Variants in FOXP1 observed in about 807,000 individuals in gnomAD.
FOXP1 encodes forkhead box P1.
In FOXP1, 15 loss-of-function variants were observed where a neutral mutation model predicts 98.2. The observed-to-expected ratio is 0.15, with a 90% CI of 0.10 to 0.24. FOXP1 has a LOEUF of 0.24. Among genes scored for constraint, FOXP1 ranks in the 10% least tolerant of loss-of-function variants. The pLI is 1.00. For missense variants in FOXP1, 633 were observed against 848.5 expected, an observed-to-expected ratio of 0.75 and a Z score of 3.15; for synonymous variants, 371 against 314.5, an observed-to-expected ratio of 1.18 and a Z score of -1.90.
At chr3:71,000,727 AGAATTTG>A (rs2042011599) in intron 13 of FOXP1, among the ~76,000 whole-genome samples, 1 of 151,922 alleles carries the variant, frequency 6.6e-6, no homozygotes, top group Non-Finnish European at 1.5e-5. Context: ...ACAGGTGCCC[AGAATTTG>A]GAAACCTCTG....
Position 71,252,705 on chromosome 3 carries a change from A to C in FOXP1, c.-12+47115T>G, listed in dbSNP as rs1234944684. Reference sequence around the variant, plus strand: ...TTCCCAGTGTTTGAGATAAAGAAACAGAAGTGGATGGAAGTGAAACAAAAT... The same window carrying C: ...TTCCCAGTGTTTGAGATAAAGAAACCGAAGTGGATGGAAGTGAAACAAAAT... On this transcript the variant is annotated intron_variant, in intron 5 of 20. Transcript: ENST00000649528. Among the ~76,000 whole-genome samples the C allele has an allele frequency of 2.6e-5, 4 of 152,232 alleles. No individual in the cohort carries two copies. In the East Asian group the frequency reaches 7.7e-4, roughly 29 times the overall value.
chr3:71,011,667 A>C (rs1054539658), intron 12 of FOXP1, among the ~76,000 whole-genome samples: 1 of 152,156 alleles, frequency 6.6e-6, no homozygotes, highest in Non-Finnish European at 1.5e-5. Flanking sequence ...ACTTACAAAC[A>C]AAAGTCGTCT....
chr3:71,078,878 C>A (rs567098380), intron 7 of FOXP1, among the ~76,000 whole-genome samples: 1 of 152,238 alleles, frequency 6.6e-6, no homozygotes, highest in East Asian at 1.9e-4. Flanking sequence ...AGCACAAGAG[C>A]TAGTGTGACC....
At chr3:71,366,898 A>T (rs2078965839) in intron 3 of FOXP1, among the ~76,000 whole-genome samples, 2 of 152,270 alleles carry the variant, frequency 1.3e-5, no homozygotes, top group Non-Finnish European at 2.9e-5. Context: ...ACAAGAAATT[A>T]AATAATTTTG....
intron 5 of FOXP1, among the ~76,000 whole-genome samples, chr3:71,208,983 T>G (rs377626820): frequency 6.6e-6 from 1 of 152,188 alleles, no homozygotes; most frequent in East Asian, 1.9e-4. Context: ...GTTTGCACAA[T>G]GCCATGTTTG....
At chr3:71,495,624 A>T (rs2091354611) in intron 2 of FOXP1, among the ~76,000 whole-genome samples, 1 of 152,172 alleles carries the variant, frequency 6.6e-6, no homozygotes, top group Admixed American at 6.5e-5. Flanking sequence ...TATTCTTACA[A>T]CAAAGTTCTT....
At chr3:71,320,431 C>T (rs1055398621) in intron 4 of FOXP1, among the ~76,000 whole-genome samples, 1 of 151,816 alleles carries the variant, frequency 6.6e-6, no homozygotes, top group Non-Finnish European at 1.5e-5. Flanking sequence ...TAAGCCGCTG[C>T]ACAGATCTAG....
At chr3:71,432,080 A>G (rs1279354406) in intron 3 of FOXP1, among the ~76,000 whole-genome samples, 3 of 152,182 alleles carry the variant, frequency 2.0e-5, no homozygotes, top group South Asian at 2.1e-4. Flanking sequence ...CTTAAGGGCC[A>G]AACAATGTGC....
chr3:71,025,745 G>T (rs2046033305), intron 11 of FOXP1, among the ~76,000 whole-genome samples: 1 of 152,172 alleles, frequency 6.6e-6, no homozygotes, highest in African/African-American at 2.4e-5. Context: ...GGGTGATATG[G>T]TCAGTGATTA....
chr3:71,561,165 T>C (rs1171089252), intron 2 of FOXP1, among the ~76,000 whole-genome samples: 1 of 152,114 alleles, frequency 6.6e-6, no homozygotes, highest in Non-Finnish European at 1.5e-5. Context: ...CAAGTGATTC[T>C]GGTGCCTCAG....
intron 3 of FOXP1, among the ~76,000 whole-genome samples, chr3:71,417,442 C>T (rs1008745029): frequency 1.1e-4 from 17 of 152,186 alleles, no homozygotes; most frequent in Admixed American, 9.8e-4. Context: ...AAAATGAGCA[C>T]TGGGCTTCTG....
At chr3:70,978,286 A>T (rs182861285) in intron 14 of FOXP1, among the ~76,000 whole-genome samples, 1 of 152,186 alleles carries the variant, frequency 6.6e-6, no homozygotes, top group Non-Finnish European at 1.5e-5. Context: ...GGGGTTACCT[A>T]CCTGAGGGAG....
At chr3:70,966,923 C>T (rs578241335) in intron 19 of FOXP1, among the ~76,000 whole-genome samples, 1 of 152,304 alleles carries the variant, frequency 6.6e-6, no homozygotes, top group African/African-American at 2.4e-5. Context: ...AATGCAGACG[C>T]TAGTTACATA....
At chr3:71,577,249 C>T (rs1195214000) in intron 2 of FOXP1, among the ~76,000 whole-genome samples, 5 of 152,162 alleles carry the variant, frequency 3.3e-5, no homozygotes, top group Non-Finnish European at 7.4e-5. Flanking sequence ...ATTGTACTTC[C>T]TCTTTGCAGA....
At chr3:71,122,364 A>G (rs1394806480) in intron 6 of FOXP1, among the ~76,000 whole-genome samples, 1 of 152,194 alleles carries the variant, frequency 6.6e-6, no homozygotes, top group African/African-American at 2.4e-5. Flanking sequence ...AATATAGGAA[A>G]GGGCCAAACA....
intron 5 of FOXP1, among the ~76,000 whole-genome samples, chr3:71,297,871 T>C (rs867779678): frequency 1.2e-4 from 18 of 152,116 alleles, no homozygotes; most frequent in African/African-American, 4.3e-4. Context: ...CCTCCCAAAG[T>C]GCAGGGATTA....
In FOXP1 at chr3:71,236,855, A is replaced by C. The variant is rs183031373; in HGVS notation, c.-11-38463T>G. ...GCCACTGCACTCCAGCCTGAGTGAC[A>C]CAGCGAGATCCTGTCTTAAGGAAAA... On this transcript the variant is annotated intron_variant, in intron 5 of 20. Transcript: ENST00000649528. Among the ~76,000 whole-genome samples, 618 of 151,942 alleles carry C rather than the reference A, an allele frequency of 4.1e-3. 1 individual carries two copies. The highest frequency in any genetic ancestry group is 6.6e-3 in the Non-Finnish European group (445 of 67,938).
intron 3 of FOXP1, among the ~76,000 whole-genome samples, chr3:71,465,309 GAAA>G (rs869106717): frequency 8.9e-6 from 1 of 112,168 alleles, no homozygotes; most frequent in African/African-American, 3.3e-5. Context: ...CTCTGTCTCA[GAAA>G]AAAAAAAAAA....
At position 71,320,388 on chromosome 3, in the gene FOXP1, C is replaced by T. The variant is rs1055354394; in HGVS notation, c.-72-20508G>A. Among the ~76,000 whole-genome samples the T allele has an allele frequency of 3.3e-5, 5 of 151,856 alleles. No homozygotes were observed. In the East Asian group the frequency reaches 9.7e-4, roughly 30 times the overall value. On this transcript the variant is annotated intron_variant, in intron 4 of 20. Transcript: ENST00000649528. ...GAACCACCATTCTACCACGGACAGA[C>T]ACTCACATACACACCCTGTACAGTC...
Sources: allele counts gnomAD v4.1 joint callset (sites outside exome capture counted in the v4.1 genomes callset), GRCh38; gene constraint gnomAD v4.1.1; transcripts MANE v1.5; gene names NCBI Gene and HGNC (gene_info 2026-07-23, HGNC 2026-07-21).